Variants in LRRTM4 observed in about 807,000 individuals in gnomAD.
LRRTM4 encodes the protein leucine-rich repeat transmembrane neuronal protein 4.
In LRRTM4, 25 loss-of-function variants were observed where a neutral mutation model predicts 47.6. That is an observed-to-expected ratio of 0.53 (90% CI 0.38 to 0.73). The LOEUF (loss-of-function observed/expected upper bound fraction) is 0.73. Ranked by LOEUF, LRRTM4 falls within the 30% of genes least tolerant of loss-of-function variation. The pLI is 0.00. For missense variants in LRRTM4, 638 were observed against 713.4 expected (o/e 0.89, Z 1.20); for synonymous variants, 311 against 269.5 (o/e 1.15, Z -1.51).
intron 3 of LRRTM4, among the ~76,000 whole-genome samples, chr2:77,423,986 T>C (rs928937007): frequency 2.0e-5 from 3 of 152,136 alleles, no homozygotes; most frequent in Non-Finnish European, 4.4e-5. Context: ...TCAATTAGAA[T>C]AATTTTTTAT....
chr2:77,507,539 T>A (rs1678822090), intron 3 of LRRTM4, among the ~76,000 whole-genome samples: 1 of 152,084 alleles, frequency 6.6e-6, no homozygotes, highest in Admixed American at 6.6e-5. Context: ...ACCAAAGAGA[T>A]TATGATTTGC....
In LRRTM4 at chr2:77,257,890, T is replaced by C. The variant is rs114887072; in HGVS notation, c.1551+260428A>G. On this transcript the variant is annotated intron_variant, in intron 3 of 3. Transcript: ENST00000409884. ...ATTAAGACAATGAAGCAGTCGGGAGTTCGAGACCAGCCTGACCAACATGGA... is the reference window on the plus strand; with the variant it reads ...ATTAAGACAATGAAGCAGTCGGGAGCTCGAGACCAGCCTGACCAACATGGA... 8.4e-3 allele frequency among the ~76,000 whole-genome samples: 1,275 copies of C among 151,414 alleles called. 15 individuals carry two copies. The highest frequency in any genetic ancestry group is 0.028 in the African/African-American group (1,172 of 41,314).
intron 3 of LRRTM4, among the ~76,000 whole-genome samples, chr2:76,903,401 T>C (rs535739174): frequency 6.6e-6 from 1 of 151,886 alleles, no homozygotes; most frequent in Non-Finnish European, 1.5e-5. Flanking sequence ...CCAGGTGTGG[T>C]GGCGGGCGCC....
intron 3 of LRRTM4, among the ~76,000 whole-genome samples, chr2:76,908,807 A>T (rs983907687): frequency 7.9e-5 from 12 of 152,048 alleles, no homozygotes; most frequent in African/African-American, 2.9e-4. Context: ...GACCTCTTCC[A>T]GGAGAACTAC....
At chr2:77,049,577 C>T (rs367870234) in intron 3 of LRRTM4, among the ~76,000 whole-genome samples, 1 of 151,686 alleles carries the variant, frequency 6.6e-6, no homozygotes, top group African/African-American at 2.4e-5. Flanking sequence ...ACCTGTTGAC[C>T]GTTTGTTTGT....
intron 3 of LRRTM4, among the ~76,000 whole-genome samples, chr2:77,413,328 C>T (rs1172900348): frequency 1.3e-5 from 2 of 152,188 alleles, no homozygotes; most frequent in Non-Finnish European, 2.9e-5. Flanking sequence ...TCTCAGGGCC[C>T]TTTCCTCTGA....
intron 3 of LRRTM4, among the ~76,000 whole-genome samples, chr2:76,787,397 A>G (rs1674732425): frequency 6.6e-6 from 1 of 152,080 alleles, no homozygotes; most frequent in African/African-American, 2.4e-5. Flanking sequence ...GCATAATCTC[A>G]TACATTGTGT....
chr2:77,031,875 T>C (rs1194664015), intron 3 of LRRTM4, among the ~76,000 whole-genome samples: 1 of 152,154 alleles, frequency 6.6e-6, no homozygotes, highest in Non-Finnish European at 1.5e-5. Flanking sequence ...TGAATGTCTA[T>C]CTTCTCTCCC....
chr2:76,753,566 T>G (rs1244663799), intron 3 of LRRTM4, among the ~76,000 whole-genome samples: 1 of 152,124 alleles, frequency 6.6e-6, no homozygotes, highest in Non-Finnish European at 1.5e-5. Flanking sequence ...AATGAAGAAG[T>G]TAAAAGTGAC....
chr2:77,314,880 A>C (rs150262373), intron 3 of LRRTM4, among the ~76,000 whole-genome samples: 35 of 152,308 alleles, frequency 2.3e-4, no homozygotes, highest in African/African-American at 8.2e-4. Flanking sequence ...GCAACGAGCC[A>C]AAGCTTCCAG....
intron 3 of LRRTM4, among the ~76,000 whole-genome samples, chr2:77,128,411 T>TAGATAGATAGATAGAA (rs1671710041): frequency 6.6e-6 from 1 of 151,818 alleles, no homozygotes; most frequent in African/African-American, 2.4e-5. Flanking sequence ...GATAGATAGA[T>TAGATAGATAGATAGAA]AGATAGATAG....
rs189662927 is a variant in LRRTM4, at chr2:77,025,356, T to A, written c.1552-276440A>T. Among the ~76,000 whole-genome samples the A allele has an allele frequency of 3.9e-5, 6 of 152,300 alleles. No individual in the cohort carries two copies. The East Asian group carries it at 1.2e-3, about 29-fold the overall frequency. ...TCCTACTTGAATAGTACTAGGTCCT[T>A]CTATTCCTAATGAGCACAGGAAAAA... On this transcript the variant is annotated intron_variant, in intron 3 of 3. Transcript: ENST00000409884.
intron 3 of LRRTM4, among the ~76,000 whole-genome samples, chr2:77,328,546 A>G (rs1334729918): frequency 6.6e-6 from 1 of 152,162 alleles, no homozygotes; most frequent in Admixed American, 6.5e-5. Flanking sequence ...CCATTTCATT[A>G]GAAAATGTTC....
intron 3 of LRRTM4, among the ~76,000 whole-genome samples, chr2:77,423,652 CT>C (rs1397560241): frequency 1.3e-5 from 2 of 152,182 alleles, no homozygotes; most frequent in East Asian, 1.9e-4. Context: ...AGGGGCAAAA[CT>C]TTCTTTCAAA....
At chr2:77,350,327 C>T (rs1302040663) in intron 3 of LRRTM4, among the ~76,000 whole-genome samples, 1 of 80,060 alleles carries the variant, frequency 1.2e-5, no homozygotes, top group Non-Finnish European at 2.2e-5. Flanking sequence ...AGCAAGACTC[C>T]GTCTCAAAAA....
Position 77,117,733 on chromosome 2 carries a change from A to C in LRRTM4, c.1552-368817T>G, listed in dbSNP as rs115458097. ...TCACAAATTGTATACACACAAATAT[A>C]TATGGACAGCTTTTTATGGTTTATT... On this transcript the variant is annotated intron_variant, in intron 3 of 3. Coordinates refer to ENST00000409884, the MANE Select transcript of LRRTM4 (RefSeq NM_001134745.3). Among the ~76,000 whole-genome samples, 1,463 of 152,110 alleles carry C rather than the reference A, an allele frequency of 9.6e-3. 20 individuals carry two copies. The highest frequency in any genetic ancestry group is 0.041 in the Middle Eastern group (12 of 294).
At chr2:76,828,186 G>A (rs894419167) in intron 3 of LRRTM4, among the ~76,000 whole-genome samples, 6 of 151,918 alleles carry the variant, frequency 3.9e-5, no homozygotes, top group African/African-American at 1.4e-4. Flanking sequence ...GAGGGTAAGT[G>A]ATTGCCTGAT....
intron 3 of LRRTM4, among the ~76,000 whole-genome samples, chr2:77,171,234 C>T (rs959458458): frequency 1.3e-5 from 2 of 151,914 alleles, no homozygotes; most frequent in African/African-American, 2.4e-5. Context: ...GACAATCTGA[C>T]AATTTGCTTT....
chr2:76,905,293 T>A (rs532558746), intron 3 of LRRTM4, among the ~76,000 whole-genome samples: 179 of 152,254 alleles, frequency 1.2e-3, no homozygotes, highest in African/African-American at 4.2e-3. Context: ...GAGGGTCCTG[T>A]CTGTTAGAAG....
Sources: allele counts gnomAD v4.1 joint callset (sites outside exome capture counted in the v4.1 genomes callset), GRCh38; gene constraint gnomAD v4.1.1; transcripts MANE v1.5; gene names NCBI Gene and HGNC (gene_info 2026-07-23, HGNC 2026-07-21).